Variants in RNF38 observed in about 807,000 individuals in gnomAD.
The protein encoded by RNF38 is ring finger protein 38.
A neutral mutation model predicts 67.2 loss-of-function variants in RNF38; 15 were observed. That is an observed-to-expected ratio of 0.22 (90% CI 0.15 to 0.34). RNF38 has a LOEUF of 0.34. RNF38 is among the 10% of genes least tolerant of loss of function. The pLI is 1.00. For missense variants in RNF38, 524 were observed against 639.9 expected (o/e 0.82, Z 1.95); for synonymous variants, 220 against 218.8 (o/e 1.01, Z -0.05).
intron 1 of RNF38, among the ~76,000 whole-genome samples, chr9:36,451,592 C>G (rs1839449106): frequency 6.8e-6 from 1 of 147,368 alleles, no homozygotes; most frequent in South Asian, 2.2e-4. Context: ...CCTCCGCCTC[C>G]CAGGTTCAAG....
At chr9:36,370,447 T>C (rs951800038) in intron 3 of RNF38, among the ~76,000 whole-genome samples, 1 of 152,062 alleles carries the variant, frequency 6.6e-6, no homozygotes, top group African/African-American at 2.4e-5. Flanking sequence ...AAAGAACATA[T>C]AATTTGCTGA....
Position 36,348,976 on chromosome 9 carries a change from G to A in RNF38, c.1263+2139C>T, listed in dbSNP as rs1337785000. On this transcript the variant is annotated intron_variant, in intron 9 of 11. Transcript: ENST00000259605. Reference sequence around the variant, plus strand: ...AGAACAGGCTGACTCTTTTTGGGGGGATAACACAGCTGGTGACTGTAGGCT... The same window carrying A: ...AGAACAGGCTGACTCTTTTTGGGGGAATAACACAGCTGGTGACTGTAGGCT... Among the ~76,000 whole-genome samples, 5 of 152,304 alleles carry A rather than the reference G, an allele frequency of 3.3e-5. No homozygotes were observed. In the South Asian group the frequency reaches 8.3e-4, roughly 25 times the overall value.
intron 1 of RNF38, among the ~76,000 whole-genome samples, chr9:36,393,509 GT>G (rs1490438533): frequency 1.3e-5 from 2 of 148,958 alleles, no homozygotes; most frequent in African/African-American, 5.0e-5. Flanking sequence ...GTGTGTGTGT[GT>G]GTGTGTGTGT....
chr9:36,431,745 G>C (rs1838939165), intron 1 of RNF38, among the ~76,000 whole-genome samples: 1 of 152,154 alleles, frequency 6.6e-6, no homozygotes, highest in African/African-American at 2.4e-5. Context: ...ATTGGCCATT[G>C]GTAACTGAAC....
intron 1 of RNF38, among the ~76,000 whole-genome samples, chr9:36,431,498 C>G (rs947843442): frequency 3.9e-5 from 6 of 152,160 alleles, no homozygotes; most frequent in African/African-American, 1.4e-4. Flanking sequence ...CATTATGTGG[C>G]ACAAGACTGC....
chr9:36,366,401 T>C (rs1834966343), intron 4 of RNF38, among the ~76,000 whole-genome samples: 1 of 152,196 alleles, frequency 6.6e-6, no homozygotes, highest in Admixed American at 6.5e-5. Context: ...TGCAACTGAT[T>C]AGTATGTCTG....
chr9:36,355,266 A>T (rs1190407497), intron 6 of RNF38, among the ~76,000 whole-genome samples: 1 of 152,202 alleles, frequency 6.6e-6, no homozygotes, highest in Non-Finnish European at 1.5e-5. Flanking sequence ...GAAATCTTCC[A>T]CTTTAGCCAC....
chr9:36,461,467 G>C (rs190126943), intron 1 of RNF38, among the ~76,000 whole-genome samples: 149 of 152,308 alleles, frequency 9.8e-4, no homozygotes, highest in Non-Finnish European at 1.6e-3. Flanking sequence ...AAACAGCCTG[G>C]AAGAGACAGG....
At chr9:36,353,815 A>G (rs1833879743) in intron 6 of RNF38, among the ~76,000 whole-genome samples, 1 of 152,188 alleles carries the variant, frequency 6.6e-6, no homozygotes, top group African/African-American at 2.4e-5. Context: ...GCTTCTGGAC[A>G]TTAGAATCTT....
chr9:36,352,636 CAAAT>C (rs1283244411), intron 8 of RNF38, 102 bp downstream of exon 8: 1 of 879,538 alleles, frequency 1.1e-6, no homozygotes, highest in Non-Finnish European at 1.9e-6. Context: ...TAAGTAAAGA[CAAAT>C]AACTAACACA....
At position 36,369,866 on chromosome 9, in the gene RNF38, A is replaced by C. The variant is rs1835246105; in HGVS notation, c.423T>G (p.Asp141Glu). The change falls in exon 4 of 12, where the codon GAT becomes GAG. Residue 141 changes from aspartate (D) to glutamate (E), a missense_variant. Asp to Glu is a conservative substitution (Grantham distance 45). This residue lies in a region of RNF38 where 461 missense variants were observed against 517.4 expected (regional missense o/e 0.89). Coordinates refer to ENST00000259605, the MANE Select transcript of RNF38 (RefSeq NM_022781.5). Reference protein sequence around the residue: ...RLSRHNSISQDENYHHLPYAQ... With the variant: ...RLSRHNSISQEENYHHLPYAQ... ...CGTAAGGGAGATGGTGATAGTTTTC[A>C]TCTTGACTAATGGAATTATGTCGAG... 6.2e-7 allele frequency: 1 copy of C among 1,613,836 alleles called. No individual in the cohort carries two copies. The highest frequency in any genetic ancestry group is 1.3e-5 in the African/African-American group (1 of 75,040).
chr9:36,452,511 T>A (rs1313305347), intron 1 of RNF38, among the ~76,000 whole-genome samples: 1 of 152,128 alleles, frequency 6.6e-6, no homozygotes, highest in Non-Finnish European at 1.5e-5. Flanking sequence ...TCATCCATGT[T>A]GTGGCATGTT....
At chr9:36,353,144 T>A in intron 7 of RNF38, 26 bp downstream of exon 7, 1 of 1,598,552 alleles carries the variant, frequency 6.3e-7, no homozygotes, top group Non-Finnish European at 8.6e-7. Flanking sequence ...AGCAAGTAAT[T>A]AACATAGTAC....
chr9:36,465,808 T>C (rs1343502351), intron 1 of RNF38, among the ~76,000 whole-genome samples: 1 of 151,838 alleles, frequency 6.6e-6, no homozygotes, highest in Non-Finnish European at 1.5e-5. Context: ...CCCAGCACTT[T>C]GGGAGGCCGA....
chr9:36,390,322 T>C (rs1836980647), intron 2 of RNF38, 145 bp downstream of exon 2: 1 of 599,922 alleles, frequency 1.7e-6, no homozygotes, highest in Non-Finnish European at 2.6e-6. Context: ...TGAAAAAATA[T>C]TAAAGTCCTC....
rs749987915 is a variant in RNF38, at chr9:36,369,747, T to C, written c.542A>G (p.Asn181Ser). ...ATCATGTATGTCAACCATGACTGCA[T>C]TCTGCTGGGGTGGATGAGCAGCAGG... ...LHPAAHPPQQNAVMVDIHDQL... is the reference protein window; with the variant it reads ...LHPAAHPPQQSAVMVDIHDQL... Residue 181 changes from asparagine (N) to serine (S), a missense_variant, in exon 4 of 12, where the codon AAT becomes AGT. Physicochemically the swap from Asn to Ser is conservative, Grantham distance 46. This residue lies in a region of RNF38 where 461 missense variants were observed against 517.4 expected (regional missense o/e 0.89). Coordinates refer to ENST00000259605, the MANE Select transcript of RNF38 (RefSeq NM_022781.5). 1 of 1,613,682 alleles carries C rather than the reference T, an allele frequency of 6.2e-7. No individual in the cohort carries two copies. Among genetic ancestry groups the C allele is most frequent in the East Asian group, 2.2e-5 (1 of 44,870 alleles).
At chr9:36,483,820 G>A (rs115649975) in intron 1 of RNF38, among the ~76,000 whole-genome samples, 1,712 of 152,174 alleles carry the variant, frequency 0.011, 28 homozygotes, top group African/African-American at 0.039. Context: ...CCCTTACTTT[G>A]AAACCACATA....
chr9:36,391,913 C>T (rs751096681), intron 1 of RNF38, among the ~76,000 whole-genome samples: 5 of 152,210 alleles, frequency 3.3e-5, no homozygotes, highest in African/African-American at 9.6e-5. Context: ...GCGCCCGGCC[C>T]GTTTCCTACT....
upstream of RNF38, chr9:36,401,125 G>A (rs1564046890): frequency 8.1e-6 from 8 of 984,768 alleles, no homozygotes; most frequent in South Asian, 4.7e-5. Context: ...CCAGACCACC[G>A]GAGCGCTCCT....
Sources: allele counts gnomAD v4.1 joint callset (sites outside exome capture counted in the v4.1 genomes callset), GRCh38; gene constraint gnomAD v4.1.1; regional missense constraint gnomAD v4.1.1; transcripts MANE v1.5; gene names NCBI Gene and HGNC (gene_info 2026-07-23, HGNC 2026-07-21).